Variants in LRIT1 observed in about 807,000 individuals in gnomAD.
LRIT1 encodes the protein leucine rich repeat, Ig-like and transmembrane domains 1.
A neutral mutation model predicts 24.0 loss-of-function variants in LRIT1; 23 were observed. The observed-to-expected ratio is 0.96, with a 90% CI of 0.69 to 1.36. The LOEUF (loss-of-function observed/expected upper bound fraction) is 1.36, where lower values mean the gene tolerates loss of function less well. Among genes scored for constraint, LRIT1 ranks in the 40% most tolerant of loss-of-function variants. The pLI is 0.00. For missense variants in LRIT1, 846 were observed against 806.3 expected, an observed-to-expected ratio of 1.05 and a Z score of -0.60; for synonymous variants, 361 against 340.5, an observed-to-expected ratio of 1.06 and a Z score of -0.66.
intron 3 of LRIT1, 78 bp downstream of exon 3, chr10:84,233,994 CT>C: frequency 7.4e-7 from 1 of 1,346,756 alleles, no homozygotes; most frequent in Non-Finnish European, 9.7e-7. Flanking sequence ...CCCTCTGGCC[CT>C]GCCAAATCCC....
In LRIT1 at chr10:84,241,471, G is replaced by C. The variant is rs1376144425; in HGVS notation, c.-32C>G. 2.0e-6 allele frequency: 3 copies of C among 1,503,362 alleles called. No individual in the cohort carries two copies. The highest frequency in any genetic ancestry group is 2.7e-6 in the Non-Finnish European group (3 of 1,131,124). The allele number at this position is 1,503,362 out of a possible 1,614,324, so 93.1% of individuals were successfully genotyped here. On this transcript the variant is annotated 5_prime_UTR_variant, in exon 1 of 4. Coordinates refer to ENST00000372105, the MANE Select transcript of LRIT1 (RefSeq NM_015613.3). ...TGGCTCCTCTCTGGCCCAGGCAGGG[G>C]CCTGTCCCTGGACCGCTCCGTCCCA...
chr10:84,232,130 G>T lies in LRIT1; in HGVS notation c.1669C>A (p.Arg557=). 2 of 1,614,106 alleles carry T rather than the reference G, an allele frequency of 1.2e-6. No individual in the cohort carries two copies. Among genetic ancestry groups the T allele is most frequent in the Non-Finnish European group, 1.7e-6 (2 of 1,180,016 alleles). Residue 557 remains arginine, a synonymous_variant, in exon 4 of 4, where the codon CGA becomes AGA. Transcript: ENST00000372105. ...VCCSALQKRC[R]KCFNKDSTEA... ...GTGGAGTCCTTGTTGAAGCACTTTCGGCAGCGCTTCTGAAGAGCACTGCAG... is the reference window on the plus strand; with the variant it reads ...GTGGAGTCCTTGTTGAAGCACTTTCTGCAGCGCTTCTGAAGAGCACTGCAG...
chr10:84,232,406 C>T lies in LRIT1; in HGVS notation c.1393G>A (p.Val465Ile), dbSNP rs1379448681. The change falls in exon 4 of 4, where the codon GTC (valine) becomes ATC (isoleucine). Residue 465 changes from valine to isoleucine, a missense_variant. Physicochemically the swap from Val to Ile is conservative, Grantham distance 29 (BLOSUM62 3). Coordinates refer to ENST00000372105, the MANE Select transcript of LRIT1 (RefSeq NM_015613.3). Reference sequence around the variant, plus strand: ...CGCCGCATGCTGTGCTGCCCAAAGACCGCGTAGAGGACACTGAAGGCAGTT... The same window carrying T: ...CGCCGCATGCTGTGCTGCCCAAAGATCGCGTAGAGGACACTGAAGGCAGTT... ...NTTAFSVLYA[V>I]FGQHSMRRVI... 1 of 1,614,164 alleles carries T rather than the reference C, an allele frequency of 6.2e-7. No homozygotes were observed. The highest frequency in any genetic ancestry group is 8.5e-7 in the Non-Finnish European group (1 of 1,180,032).
In LRIT1 at chr10:84,232,634, G is replaced by GT. The variant is rs1564542886; in HGVS notation, c.1164dup (p.Pro389ThrfsTer20). On this transcript the variant is annotated frameshift_variant, in exon 4 of 4. Transcript: ENST00000372105. LOFTEE classifies it low-confidence loss of function (END_TRUNC). ...GAGGGTCCAGTGGCCAGGACAGCGG[G>GT]TTTGGGAATCTGGGGGACATGCCTG... 6.2e-7 allele frequency: 1 copy of GT among 1,613,440 alleles called. No homozygotes were observed. The highest frequency in any genetic ancestry group is 1.1e-5 in the South Asian group (1 of 91,072).
chr10:84,232,760 C>T lies in LRIT1; in HGVS notation c.1039G>A (p.Glu347Lys). The T allele has an allele frequency of 6.2e-7, 1 of 1,614,026 alleles. No homozygotes were observed. Among genetic ancestry groups the T allele is most frequent in the South Asian group, 1.1e-5 (1 of 91,068 alleles). The change falls in exon 4 of 4, where the codon GAG (glutamate) becomes AAG (lysine). Residue 347 changes from glutamate to lysine, a missense_variant. Transcript: ENST00000372105. Reference protein sequence around the residue: ...SETVISLIVTEPPTSTEHSGS... With the variant: ...SETVISLIVTKPPTSTEHSGS... ...CTGTGTTCTGTGGAAGTCGGTGGCT[C>T]AGTGACAATCAAGGAGATAACAGTT...
rs753007660 is a variant in LRIT1, at chr10:84,237,407, C to T, written c.402G>A (p.Arg134=). The change falls in exon 2 of 4, where the codon CGG becomes CGA. Residue 134 remains arginine, a synonymous_variant. Coordinates refer to ENST00000372105, the MANE Select transcript of LRIT1 (RefSeq NM_015613.3). ...WAALRDAPKL[R]LLDLQANRLS... The stretch of plus-strand genomic sequence containing the variant: ...GGCGGTTGGCCTGCAGGTCCAGCAG[C>T]CGCAGCTTGGGGGCGTCCCTGAGCG... 1.1e-5 allele frequency: 17 copies of T among 1,547,172 alleles called. No individual in the cohort carries two copies. Among genetic ancestry groups the T allele is most frequent in the Middle Eastern group, 1.8e-4 (1 of 5,606 alleles).
chr10:84,237,558 C>A lies in LRIT1; in HGVS notation c.251G>T (p.Arg84Leu). The change falls in exon 2 of 4, where the codon CGC (arginine) becomes CTC (leucine). Residue 84 changes from arginine to leucine, a missense_variant. Coordinates refer to ENST00000372105, the MANE Select transcript of LRIT1 (RefSeq NM_015613.3). ...VPGEAFRPLG[R>L]LEQLWLPYNA... is the part of the protein sequence containing the mutation. ...GTAAGGCAGCCACAGCTGCTCCAGG[C>A]GGCCCAGGGGCCTGAAGGCCTCGCC... 1.9e-6 allele frequency: 3 copies of A among 1,606,072 alleles called. No homozygotes were observed. The highest frequency in any genetic ancestry group is 1.1e-5 in the South Asian group (1 of 91,058).
Position 84,237,684 on chromosome 10 carries a change from G to T in LRIT1, c.125C>A (p.Thr42Lys). ...CATGTCGGGGTCGTTGCACACTACT[G>T]TCCTGCTGGCAGAAATGAGGGATAG... Reference protein sequence around the residue: ...HIMGDGSKARTVVCNDPDMTL... With the variant: ...HIMGDGSKARKVVCNDPDMTL... The change falls in exon 2 of 4, where the codon ACA becomes AAA. Residue 42 changes from threonine (T) to lysine (K), a missense_variant and splice_region_variant. Thr to Lys is a moderately conservative substitution (Grantham distance 78). Coordinates refer to ENST00000372105, the MANE Select transcript of LRIT1 (RefSeq NM_015613.3). 1 of 1,581,218 alleles carries T rather than the reference G, an allele frequency of 6.3e-7. No homozygotes were observed.
In LRIT1 at chr10:84,237,471, CG is replaced by C. The variant is rs780211222; in HGVS notation, c.337del (p.Arg113GlyfsTer55). 24 of 1,576,700 alleles carry C rather than the reference CG, an allele frequency of 1.5e-5. No individual in the cohort carries two copies. In the East Asian group the frequency reaches 5.1e-4, roughly 33 times the overall value. On this transcript the variant is annotated frameshift_variant, in exon 2 of 4. Coordinates refer to ENST00000372105, the MANE Select transcript of LRIT1 (RefSeq NM_015613.3). LOFTEE classifies it high-confidence loss of function. ...GGCGGCCAGGCGGTTCCCGGGCAGC[CG>C]CAGCTCCCGCAGGCGTCGCAGGCCC... ...LRGLRRLREL[R>X]LPGNRLAAFP...
At position 84,237,419 on chromosome 10, in the gene LRIT1, G is replaced by A. The variant is rs777437736; in HGVS notation, c.390C>T (p.Ala130=). The change falls in exon 2 of 4, where the codon GCC becomes GCT. Residue 130 remains alanine (A), a synonymous_variant. Transcript: ENST00000372105. ...AAFPWAALRD[A]PKLRLLDLQA... The stretch of plus-strand genomic sequence containing the variant: ...GCAGGTCCAGCAGCCGCAGCTTGGG[G>A]GCGTCCCTGAGCGCCGCCCAGGGGA... 12 of 1,546,850 alleles carry A rather than the reference G, an allele frequency of 7.8e-6. No individual in the cohort carries two copies. Among genetic ancestry groups the A allele is most frequent in the African/African-American group, 4.1e-5 (3 of 73,274 alleles).
intron 2 of LRIT1, 124 bp from the exon 3 acceptor site, chr10:84,234,502 A>T: frequency 3.0e-6 from 2 of 656,490 alleles, no homozygotes; most frequent in Admixed American, 3.3e-5. Context: ...TGGCCTCTGG[A>T]CCCAGCTCCT....
chr10:84,234,078 C>T lies in LRIT1; in HGVS notation c.890G>A (p.Gly297Asp), dbSNP rs777724756. 6 of 1,534,350 alleles carry T rather than the reference C, an allele frequency of 3.9e-6. No homozygotes were observed. The highest frequency in any genetic ancestry group is 1.3e-5 in the South Asian group (1 of 78,012). The change falls in exon 3 of 4, where the codon GGT becomes GAT. Residue 297 changes from glycine to aspartate, a missense_variant. Physicochemically the swap from Gly to Asp is moderately conservative, Grantham distance 94. Coordinates refer to ENST00000372105, the MANE Select transcript of LRIT1 (RefSeq NM_015613.3). ...CATCCCTGTAGCTCACATACCTGTA[C>T]CATTAAGGGGCCTGCCATTGGCCCT... ...WRRANGRPLNGTVHQEVSSDG... is the reference protein window; with the variant it reads ...WRRANGRPLNDTVHQEVSSDG...
Position 84,231,683 on chromosome 10 carries a change from A to C in LRIT1, c.*244T>G. 5 of 517,742 alleles carry C rather than the reference A, an allele frequency of 9.7e-6. No individual in the cohort carries two copies. The highest frequency in any genetic ancestry group is 3.3e-5 in the East Asian group (1 of 30,460). The allele number at this position is 517,742 out of a possible 1,614,324, so 32.1% of individuals were successfully genotyped here. ...CCCCCACCCCAGGGAAATGGAGAGA[A>C]TAGTGATGCCTGCTGCAAATGATTG... On this transcript the variant is annotated 3_prime_UTR_variant, in exon 4 of 4. Coordinates refer to ENST00000372105, the MANE Select transcript of LRIT1 (RefSeq NM_015613.3).
chr10:84,239,288 C>A (rs1842674991), intron 1 of LRIT1, among the ~76,000 whole-genome samples: 1 of 152,182 alleles, frequency 6.6e-6, no homozygotes, highest in Non-Finnish European at 1.5e-5. Context: ...CCAGATACTA[C>A]AATAGGTTCG....
At chr10:84,237,074 G>C in intron 2 of LRIT1, 146 bp downstream of exon 2, 1 of 662,802 alleles carries the variant, frequency 1.5e-6, no homozygotes, top group East Asian at 2.7e-5. Flanking sequence ...CTTGTGGATT[G>C]AGCTCCTAAA....
At position 84,237,220 on chromosome 10, in the gene LRIT1, C is replaced by G; in HGVS notation, c.589G>C (p.Gly197Arg). The change falls in exon 2 of 4, where the codon GGG becomes CGG. Residue 197 changes from glycine (G) to arginine (R), a missense_variant and splice_region_variant. Coordinates refer to ENST00000372105, the MANE Select transcript of LRIT1 (RefSeq NM_015613.3). ...PPGHHPRRVL[G>R]LQDNPWACDC... Reference sequence around the variant, plus strand: ...CCAGGTGAAGGTTGCCGACCCTTACCTAGGACCCGCCTGGGGTGGTGGCCG... The same window carrying G: ...CCAGGTGAAGGTTGCCGACCCTTACGTAGGACCCGCCTGGGGTGGTGGCCG... 6.5e-7 allele frequency: 1 copy of G among 1,549,702 alleles called. No individual in the cohort carries two copies. Among genetic ancestry groups the G allele is most frequent in the Non-Finnish European group, 8.7e-7 (1 of 1,146,672 alleles).
At chr10:84,237,775 C>A in intron 1 of LRIT1, 89 bp from the exon 2 acceptor site, 1 of 1,033,968 alleles carries the variant, frequency 9.7e-7, no homozygotes, top group Non-Finnish European at 1.4e-6. Flanking sequence ...GCCTCCAGTT[C>A]TGCCTGTTAT....
At position 84,232,941 on chromosome 10, in the gene LRIT1, G is replaced by A. The variant is rs747207467; in HGVS notation, c.896-38C>T. 1.9e-6 allele frequency: 3 copies of A among 1,579,656 alleles called. No individual in the cohort carries two copies. In the East Asian group the frequency reaches 6.7e-5, roughly 35 times the overall value. ...CAGGCATGTGTGGGAGAACGAATGG[G>A]CCCATCTGCCCCAAGCTGCCTTTCA... On this transcript the variant is annotated intron_variant, in intron 3 of 3. Coordinates refer to ENST00000372105, the MANE Select transcript of LRIT1 (RefSeq NM_015613.3).
intron 3 of LRIT1, among the ~76,000 whole-genome samples, chr10:84,233,328 C>A (rs1269923930): frequency 1.3e-5 from 2 of 150,084 alleles, no homozygotes; most frequent in East Asian, 3.9e-4. Flanking sequence ...GCCACCAAGC[C>A]TAGGAATATA....
Sources: allele counts gnomAD v4.1 joint callset (sites outside exome capture counted in the v4.1 genomes callset), GRCh38; gene constraint gnomAD v4.1.1; transcripts MANE v1.5; gene names NCBI Gene and HGNC (gene_info 2026-07-23, HGNC 2026-07-21).